Variants in CDH23 observed in about 807,000 individuals in gnomAD.
CDH23 encodes cadherin related 23.
CDH23 carries 189 observed loss-of-function variants against 317.1 expected under a neutral mutation model. The observed-to-expected ratio is 0.60, with a 90% CI of 0.53 to 0.67. CDH23 has a LOEUF of 0.67. Among genes scored for constraint, CDH23 ranks in the 30% least tolerant of loss-of-function variants. The pLI, the probability that CDH23 is intolerant of heterozygous loss-of-function variation, is 0.00. For synonymous variants in CDH23, 1,839 were observed against 1,876.8 expected (o/e 0.98, Z 0.52); for missense variants, 4,401 against 4,592.4 (o/e 0.96, Z 1.20).
chr10:71,562,604 G>A (rs1589211247), intron 6 of CDH23, among the ~76,000 whole-genome samples: 3 of 152,338 alleles, frequency 2.0e-5, no homozygotes, highest in Admixed American at 2.0e-4. Flanking sequence ...ATGTTCTGGG[G>A]GGCAGGAGCA....
At chr10:71,515,392 T>TCACA (rs1297100192) in intron 6 of CDH23, among the ~76,000 whole-genome samples, 260 of 31,288 alleles carry the variant, frequency 8.3e-3, no homozygotes, top group African/African-American at 0.033. Flanking sequence ...TCTCTCTCTC[T>TCACA]CTCACACACA....
chr10:71,570,241 G>A (rs1201132741), intron 7 of CDH23, among the ~76,000 whole-genome samples: 1 of 152,096 alleles, frequency 6.6e-6, no homozygotes, highest in Non-Finnish European at 1.5e-5. Context: ...CCAAAGCAAG[G>A]GACTCATGAA....
chr10:71,516,780 G>A (rs926504392), intron 6 of CDH23, among the ~76,000 whole-genome samples: 5 of 152,344 alleles, frequency 3.3e-5, no homozygotes, highest in Admixed American at 1.3e-4. Flanking sequence ...CAGGCCTGGG[G>A]TGGCACGACT....
intron 8 of CDH23, among the ~76,000 whole-genome samples, chr10:71,575,255 G>A (rs1858105840): frequency 6.6e-6 from 1 of 152,154 alleles, no homozygotes; most frequent in Non-Finnish European, 1.5e-5. Flanking sequence ...TCTGGAAAGA[G>A]GCCCCTGAGT....
chr10:71,587,857 GA>G (rs1360074670), intron 9 of CDH23, among the ~76,000 whole-genome samples: 1 of 152,254 alleles, frequency 6.6e-6, no homozygotes, highest in Non-Finnish European at 1.5e-5. Flanking sequence ...TATCTAGCTT[GA>G]TACCTGGTGC....
intron 16 of CDH23, 65 bp from the exon 17 acceptor site, chr10:71,679,321 GC>G: frequency 1.3e-6 from 1 of 763,706 alleles, no homozygotes; most frequent in Non-Finnish European, 2.3e-6. Flanking sequence ...CCTCCCAGCT[GC>G]CCACCCTCTT....
chr10:71,717,596 A>G (rs73275831), intron 28 of CDH23: 1 of 152,398 alleles, frequency 6.6e-6, no homozygotes, highest in African/African-American at 2.4e-5. Context: ...ATGCTCACAG[A>G]TCCTGGCCAG....
chr10:71,517,751 A>G (rs1014067174), intron 6 of CDH23, among the ~76,000 whole-genome samples: 18 of 152,204 alleles, frequency 1.2e-4, no homozygotes, highest in African/African-American at 3.6e-4. Context: ...TTGATCTGGG[A>G]GAGGGAGACC....
At chr10:71,578,695 G>T (rs561936518) in intron 9 of CDH23, among the ~76,000 whole-genome samples, 2 of 144,354 alleles carry the variant, frequency 1.4e-5, no homozygotes, top group African/African-American at 5.3e-5. Flanking sequence ...CAGGCTGCTC[G>T]CCCACAGACT....
intron 1 of CDH23, among the ~76,000 whole-genome samples, chr10:71,438,347 C>CAAAAAAAAAAAAAAAAAGAAAAAAAAA (rs1849714120): frequency 5.1e-5 from 5 of 98,358 alleles, no homozygotes; most frequent in Non-Finnish European, 8.8e-5. Flanking sequence ...CTGTCTCAAA[C>CAAAAAAAAAAAAAAAAAGAAAAAAAAA]AAAAAAAAAA....
rs546297547 is a variant in CDH23, at chr10:71,686,315, A to G, written c.1987-1332A>G. On this transcript the variant is annotated intron_variant, in intron 18 of 69. Transcript: ENST00000224721. ...CGCACCCGCACCAGGGACAGGGGAG[A>G]TGCCCAGGCACGCAGCTGGGGCATT... Among the ~76,000 whole-genome samples, 4 of 152,112 alleles carry G rather than the reference A, an allele frequency of 2.6e-5. No homozygotes were observed. In the East Asian group the frequency reaches 7.8e-4, roughly 30 times the overall value.
chr10:71,423,474 G>T (rs1466047598), intron 1 of CDH23, among the ~76,000 whole-genome samples: 1 of 152,210 alleles, frequency 6.6e-6, no homozygotes, highest in Non-Finnish European at 1.5e-5. Flanking sequence ...GTAGGAAGGT[G>T]CTCCTTGGCT....
rs547830047 is a variant in CDH23 at position 71,466,176 on chromosome 10, C to T, written c.145+19781C>T. Among the ~76,000 whole-genome samples the T allele has an allele frequency of 1.3e-3, 196 of 152,268 alleles. 1 individual carries two copies. The highest frequency in any genetic ancestry group is 4.5e-3 in the African/African-American group (189 of 41,552). On this transcript the variant is annotated intron_variant, in intron 3 of 69. Transcript: ENST00000224721. ...AAGGGAGAGACTGTGGGTGTATGTG[C>T]CCGTCTGTGTGTGTGCATGTGCACA...
intron 14 of CDH23, among the ~76,000 whole-genome samples, chr10:71,654,089 G>GA (rs1388285747): frequency 6.6e-6 from 1 of 152,228 alleles, no homozygotes; most frequent in African/African-American, 2.4e-5. Flanking sequence ...AGAACACAGA[G>GA]AAAGGTTAAA....
chr10:71,549,157 A>C (rs1171242407), intron 6 of CDH23, among the ~76,000 whole-genome samples: 1 of 152,252 alleles, frequency 6.6e-6, no homozygotes, highest in Non-Finnish European at 1.5e-5. Context: ...GCTAAAAGGC[A>C]TTCACCTCCA....
chr10:71,726,969 C>G (rs749831966), intron 30 of CDH23, among the ~76,000 whole-genome samples: 1 of 152,214 alleles, frequency 6.6e-6, no homozygotes, highest in Non-Finnish European at 1.5e-5. Flanking sequence ...TAAAACAGAT[C>G]GAAGCCAGAC....
In CDH23 at chr10:71,695,495, G is replaced by T; in HGVS notation, c.2367G>T (p.Glu789Asp). The stretch of plus-strand genomic sequence containing the variant: ...CACCCTACTACATCAACCTGGTGGA[G>T]ATGACCCCTCCAGACTCTGATGTGA... ...KDAPYYINLV[E>D]MTPPDSDVTT... Residue 789 changes from glutamate (E) to aspartate (D), a missense_variant, in exon 22 of 70, where the codon GAG (glutamate) becomes GAT (aspartate). This residue lies in a region of CDH23 where 3,068 missense variants were observed against 3,203.3 expected (regional missense o/e 0.96). Transcript: ENST00000224721. The T allele has an allele frequency of 6.2e-7, 1 of 1,613,494 alleles. No individual in the cohort carries two copies.
rs750069887 is a variant in CDH23 at position 71,805,987 on chromosome 10, C to T, written c.8054C>T (p.Ala2685Val). 21 of 1,296,928 alleles carry T rather than the reference C, an allele frequency of 1.6e-5. No homozygotes were observed. The highest frequency in any genetic ancestry group is 2.2e-5 in the Non-Finnish European group (21 of 968,858). The allele number at this position is 1,296,928 out of a possible 1,614,324, so 80.3% of individuals were successfully genotyped here. Residue 2685 changes from alanine (A) to valine (V), a missense_variant, in exon 56 of 70, where the codon GCG becomes GTG. Ala to Val is a moderately conservative substitution (Grantham distance 64). Around this residue, in one of 3 missense-constraint regions of CDH23, gnomAD observed 1,144 missense variants for 1,138.2 expected, o/e 1.01. Coordinates refer to ENST00000224721, the MANE Select transcript of CDH23 (RefSeq NM_022124.6). ...TAQRLDRESQ[A>V]VYSLILVASD... is the part of the protein sequence containing the mutation. ...CAGCGCCTGGACCGCGAGTCGCAGG[C>T]GGTGTACAGCGTAAGGGCGGGGCCC...
At chr10:71,531,858 T>C (rs1317846567) in intron 6 of CDH23, among the ~76,000 whole-genome samples, 2 of 152,198 alleles carry the variant, frequency 1.3e-5, no homozygotes, top group East Asian at 1.9e-4. Context: ...GGTCTCTGAA[T>C]GTGTGATTCA....
Sources: allele counts gnomAD v4.1 joint callset (sites outside exome capture counted in the v4.1 genomes callset), GRCh38; gene constraint gnomAD v4.1.1; regional missense constraint gnomAD v4.1.1; transcripts MANE v1.5; gene names NCBI Gene and HGNC (gene_info 2026-07-23, HGNC 2026-07-21).